The following DNAJB6 variants were observed in gnomAD, a reference collection of about 807,000 sequenced individuals.
DNAJB6 encodes dnaJ homolog subfamily B member 6.
In DNAJB6, 16 loss-of-function variants were observed where a neutral mutation model predicts 42.7. The ratio of observed to expected loss-of-function variants is 0.37; its 90% CI spans 0.25 to 0.57. DNAJB6 has a LOEUF of 0.57. DNAJB6 is among the 20% of genes least tolerant of loss of function. The probability of loss-of-function intolerance (pLI) is 0.74; values close to 1 mark genes in which losing one functional copy is unlikely to be tolerated. For missense variants in DNAJB6, 347 were observed against 416.8 expected (o/e 0.83, Z 1.46); for synonymous variants, 170 against 163.5 (o/e 1.04, Z -0.30).
chr7:157,355,724 G>C (rs1157575228), intron 1 of DNAJB6, among the ~76,000 whole-genome samples: 1 of 152,180 alleles, frequency 6.6e-6, no homozygotes, highest in Non-Finnish European at 1.5e-5. Flanking sequence ...CACTCCAGGG[G>C]GTGGCTCTCA....
In DNAJB6 at chr7:157,384,958, G is replaced by C; in HGVS notation, c.570G>C (p.Ser190=). The change falls in exon 7 of 10, where the codon TCG becomes TCC. Residue 190 remains serine (S), a synonymous_variant. Transcript: ENST00000262177. ...GTAGTGGCATGGGCAACTTCAAATCGATATCAACTTCAACTAAAATGGTTA... is the reference window on the plus strand; with the variant it reads ...GTAGTGGCATGGGCAACTTCAAATCCATATCAACTTCAACTAAAATGGTTA... ...FGGSGMGNFK[S]ISTSTKMVNG... 1 of 1,613,964 alleles carries C rather than the reference G, an allele frequency of 6.2e-7. No individual in the cohort carries two copies. Among genetic ancestry groups the C allele is most frequent in the Non-Finnish European group, 8.5e-7 (1 of 1,179,964 alleles).
intron 1 of DNAJB6, among the ~76,000 whole-genome samples, chr7:157,341,041 C>T (rs1375712110): frequency 3.3e-5 from 5 of 151,398 alleles, no homozygotes; most frequent in Non-Finnish European, 5.9e-5. Context: ...AGGCTGGTCT[C>T]GAACTCCTGG....
intron 1 of DNAJB6, among the ~76,000 whole-genome samples, chr7:157,349,334 T>G (rs1352126975): frequency 6.6e-6 from 1 of 152,226 alleles, no homozygotes; most frequent in African/African-American, 2.4e-5. Flanking sequence ...AGGCTTTGAT[T>G]GGTTGACTAA....
At chr7:157,349,873 C>T (rs1328250027) in intron 1 of DNAJB6, among the ~76,000 whole-genome samples, 1 of 151,982 alleles carries the variant, frequency 6.6e-6, no homozygotes, top group Non-Finnish European at 1.5e-5. Context: ...GAACTCCTGG[C>T]CTCAGGTGAT....
chr7:157,409,895 G>C lies in DNAJB6; in HGVS notation c.792G>C (p.Arg264=). 2.6e-6 allele frequency: 4 copies of C among 1,534,232 alleles called. No homozygotes were observed. The South Asian group carries it at 4.8e-5, about 18-fold the overall frequency. ...GCCTCCGCCCGCCGAAGCCGCCCCGGCCTGCCTCGCTGCTGAGACACGCGC... is the reference window on the plus strand; with the variant it reads ...GCCTCCGCCCGCCGAAGCCGCCCCGCCCTGCCTCGCTGCTGAGACACGCGC... ...PAGLRPPKPP[R]PASLLRHAPH... is the part of the protein sequence containing the mutation. Residue 264 remains arginine (R), a synonymous_variant, in exon 9 of 10, where the codon CGG becomes CGC. Coordinates refer to ENST00000262177, the MANE Select transcript of DNAJB6 (RefSeq NM_058246.4).
rs540546364 is a variant in DNAJB6, at chr7:157,372,352, G to A, written c.346+4869G>A. 4.0e-4 allele frequency: 62 copies of A among 153,220 alleles called. 1 individual carries two copies. The South Asian group carries it at 0.012, about 31-fold the overall frequency. 9.5% of individuals were successfully genotyped at this position (153,220 alleles called of 1,614,324 possible). On this transcript the variant is annotated intron_variant, in intron 5 of 9. Transcript: ENST00000262177. The stretch of plus-strand genomic sequence containing the variant: ...GGGGCCTGGGCGAGCCCTTCAGCGA[G>A]GAGCTGGGGCTCATATCCAGCGAGG...
chr7:157,403,518 G>A (rs1159768277), intron 8 of DNAJB6, among the ~76,000 whole-genome samples: 1 of 152,212 alleles, frequency 6.6e-6, no homozygotes. Flanking sequence ...CCAAGCTGGA[G>A]TCCAGTGGTG....
intron 1 of DNAJB6, among the ~76,000 whole-genome samples, chr7:157,354,668 C>T (rs945950079): frequency 6.6e-6 from 1 of 152,036 alleles, no homozygotes; most frequent in African/African-American, 2.4e-5. Flanking sequence ...GCTGACATCT[C>T]TGAGAGCACA....
intron 1 of DNAJB6, among the ~76,000 whole-genome samples, chr7:157,345,470 C>T (rs1332433281): frequency 6.6e-6 from 1 of 151,914 alleles, no homozygotes; most frequent in Non-Finnish European, 1.5e-5. Context: ...ATGTGCCACC[C>T]CACTCAGCTA....
intron 8 of DNAJB6, among the ~76,000 whole-genome samples, chr7:157,405,218 A>G (rs1053354498): frequency 6.6e-6 from 1 of 152,164 alleles, no homozygotes; most frequent in Non-Finnish European, 1.5e-5. Context: ...GTGTTGTGCA[A>G]TAGCTGCGTG....
chr7:157,385,053 A>C, intron 7 of DNAJB6, 45 bp downstream of exon 7: 1 of 1,587,106 alleles, frequency 6.3e-7, no homozygotes, highest in East Asian at 2.3e-5. Context: ...AGCAGGCGTA[A>C]CGTTTCACTG....
chr7:157,380,939 T>A (rs990246710), intron 5 of DNAJB6: 12 of 152,130 alleles, frequency 7.9e-5, no homozygotes, highest in African/African-American at 2.4e-4. Context: ...CACCTGTACG[T>A]CGGTCCTTTC....
At chr7:157,372,953 T>A (rs1335065851) in intron 5 of DNAJB6, among the ~76,000 whole-genome samples, 3 of 152,210 alleles carry the variant, frequency 2.0e-5, no homozygotes, top group Admixed American at 1.3e-4. Context: ...TTTAATGTTT[T>A]AGAGACAGAT....
intron 1 of DNAJB6, among the ~76,000 whole-genome samples, chr7:157,341,130 A>AT (rs1438117962): frequency 2.0e-5 from 3 of 151,434 alleles, no homozygotes; most frequent in Non-Finnish European, 4.4e-5. Flanking sequence ...CAGATTTTAG[A>AT]TTTTTTTGTT....
intron 5 of DNAJB6, among the ~76,000 whole-genome samples, chr7:157,374,465 G>C (rs1427993502): frequency 6.6e-6 from 1 of 152,044 alleles, no homozygotes; most frequent in African/African-American, 2.4e-5. Flanking sequence ...CTTCATGTTG[G>C]TCAGGTTGGT....
intron 1 of DNAJB6, among the ~76,000 whole-genome samples, chr7:157,354,771 A>G (rs1367872435): frequency 2.6e-5 from 4 of 152,240 alleles, no homozygotes; most frequent in African/African-American, 9.6e-5. Context: ...CATTTATTTC[A>G]GAGGTAGACT....
At chr7:157,354,475 A>T (rs11976056) in intron 1 of DNAJB6, among the ~76,000 whole-genome samples, 1,374 of 53,902 alleles carry the variant, frequency 0.025, 12 homozygotes, top group East Asian at 0.037. Flanking sequence ...TTTTTTTTTT[A>T]AAAAAATTAT....
chr7:157,385,565 A>C lies in DNAJB6; in HGVS notation c.645A>C (p.Arg215Ser), dbSNP rs1054511590. The C allele has an allele frequency of 1.9e-6, 3 of 1,613,730 alleles. No homozygotes were observed. In the African/African-American group the frequency reaches 4.0e-5, roughly 22 times the overall value. Residue 215 changes from arginine (R) to serine (S), a missense_variant, in exon 8 of 10, where the codon AGA becomes AGC. Around this residue, in one of 3 missense-constraint regions of DNAJB6, gnomAD observed 264 missense variants for 288.0 expected, o/e 0.92. Coordinates refer to ENST00000262177, the MANE Select transcript of DNAJB6 (RefSeq NM_058246.4). ...GAATTGTCGAGAACGGTCAAGAAAG[A>C]GTAGAAGTTGAAGAAGATGGCCAGT... ...TKRIVENGQE[R>S]VEVEEDGQLK...
At chr7:157,397,131 C>T (rs7341481) in intron 8 of DNAJB6, among the ~76,000 whole-genome samples, 11 of 152,316 alleles carry the variant, frequency 7.2e-5, no homozygotes, top group East Asian at 1.9e-4. Flanking sequence ...GCTGCCCCTG[C>T]GAGGCCCGTG....
Sources: allele counts gnomAD v4.1 joint callset (sites outside exome capture counted in the v4.1 genomes callset), GRCh38; gene constraint gnomAD v4.1.1; regional missense constraint gnomAD v4.1.1; transcripts MANE v1.5; gene names NCBI Gene and HGNC (gene_info 2026-07-23, HGNC 2026-07-21).